COL23A1: variants seen among roughly 807,000 people sequenced by gnomAD.
The protein encoded by COL23A1 is collagen alpha-1(XXIII) chain.
In COL23A1, 97 loss-of-function variants were observed where a neutral mutation model predicts 99.3. The ratio of observed to expected loss-of-function variants is 0.98; its 90% CI spans 0.83 to 1.16. The LOEUF (loss-of-function observed/expected upper bound fraction) is 1.16, where lower values mean the gene tolerates loss of function less well. Among genes scored for constraint, COL23A1 ranks in the 50% most tolerant of loss-of-function variants. COL23A1 has a pLI of 0.00. For missense variants in COL23A1, 762 were observed against 757.4 expected, an observed-to-expected ratio of 1.01 and a Z score of -0.07; for synonymous variants, 320 against 308.2, an observed-to-expected ratio of 1.04 and a Z score of -0.40.
intron 2 of COL23A1, among the ~76,000 whole-genome samples, chr5:178,377,380 G>A (rs867566026): frequency 3.9e-5 from 6 of 152,194 alleles, no homozygotes; most frequent in African/African-American, 9.7e-5. Flanking sequence ...GTGAAATTCT[G>A]GCCCTCATCT....
chr5:178,252,685 C>T lies in COL23A1; in HGVS notation c.961-88G>A. The T allele has an allele frequency of 3.5e-6, 4 of 1,132,952 alleles. No homozygotes were observed. The South Asian group carries it at 5.7e-5, about 16-fold the overall frequency. The allele number at this position is 1,132,952 out of a possible 1,614,324, so 70.2% of individuals were successfully genotyped here. A position where few individuals can be genotyped will look rare whatever the true frequency, so the allele number is the denominator to read the frequency against. On this transcript the variant is annotated intron_variant, in intron 16 of 28. Coordinates refer to ENST00000390654, the MANE Select transcript of COL23A1 (RefSeq NM_173465.4). ...TCCAGCTCCCCACCTGGAATCAAGT[C>T]CCCGTCCAGCTGAGCAGAGCAGGGG...
At chr5:178,546,354 C>T (rs1048682729) in intron 2 of COL23A1, among the ~76,000 whole-genome samples, 2 of 152,304 alleles carry the variant, frequency 1.3e-5, no homozygotes, top group African/African-American at 2.4e-5. Flanking sequence ...TTCCACTGTT[C>T]GCCACTTTTG....
chr5:178,327,270 C>T (rs1015125434), intron 2 of COL23A1, among the ~76,000 whole-genome samples: 1 of 152,204 alleles, frequency 6.6e-6, no homozygotes, highest in Non-Finnish European at 1.5e-5. Context: ...AGATAAGATG[C>T]AAACAGCCAA....
rs560560910 is a variant in COL23A1 at position 178,356,194 on chromosome 5, G to A, written c.362-49275C>T. Among the ~76,000 whole-genome samples the A allele has an allele frequency of 6.6e-5, 10 of 152,264 alleles. No individual in the cohort carries two copies. In the South Asian group the frequency reaches 1.7e-3, roughly 25 times the overall value. ...AGAGACGGGAAGCAGAGGAGTGGCC[G>A]CCTGGGGTTGCGGAGGGGAGGAGGA... On this transcript the variant is annotated intron_variant, in intron 2 of 28. Transcript: ENST00000390654.
chr5:178,313,164 G>A lies in COL23A1; in HGVS notation c.362-6245C>T, dbSNP rs180968756. On this transcript the variant is annotated intron_variant, in intron 2 of 28. Coordinates refer to ENST00000390654, the MANE Select transcript of COL23A1 (RefSeq NM_173465.4). This position sits in a 1 kb window ranked among gnomAD's most constrained non-coding sequence, Gnocchi z 4.2. ...GCCAGATTCACAGGGGCAGAAGGTG[G>A]AATAGGGGGTGCCATCGGTGGGCTG... Among the ~76,000 whole-genome samples, 524 of 152,330 alleles carry A rather than the reference G, an allele frequency of 3.4e-3. 3 individuals are homozygous for A. The highest frequency in any genetic ancestry group is 0.012 in the African/African-American group (499 of 41,574).
At chr5:178,299,898 C>T (rs1207732507) in intron 3 of COL23A1, among the ~76,000 whole-genome samples, 5 of 151,612 alleles carry the variant, frequency 3.3e-5, no homozygotes, top group African/African-American at 7.3e-5. Context: ...GGATTACAGG[C>T]GCCCACCACC....
In COL23A1 at chr5:178,243,056, G is replaced by A. The variant is rs535074212; in HGVS notation, c.1441-662C>T. On this transcript the variant is annotated intron_variant, in intron 25 of 28. Transcript: ENST00000390654. Reference sequence around the variant, plus strand: ...AACACAAAAATTAGCCGAGTATGGTGATGCGCGCCTGTAATCCCAGCTACT... The same window carrying A: ...AACACAAAAATTAGCCGAGTATGGTAATGCGCGCCTGTAATCCCAGCTACT... Among the ~76,000 whole-genome samples the A allele has an allele frequency of 5.3e-5, 8 of 152,278 alleles. No homozygotes were observed. The South Asian group carries it at 1.0e-3, about 20-fold the overall frequency.
chr5:178,383,664 C>T (rs1014606913), intron 2 of COL23A1, among the ~76,000 whole-genome samples: 5 of 152,190 alleles, frequency 3.3e-5, no homozygotes, highest in South Asian at 2.1e-4. Flanking sequence ...CCTGGGCCCT[C>T]GGCCTGGAGC....
Position 178,425,254 on chromosome 5 carries a change from C to A in COL23A1, c.362-118335G>T, listed in dbSNP as rs537864416. 5.3e-5 allele frequency among the ~76,000 whole-genome samples: 8 copies of A among 152,082 alleles called. No individual in the cohort carries two copies. In the East Asian group the frequency reaches 1.5e-3, roughly 29 times the overall value. ...CCTGACCAACATGGGGAAACCCGGT[C>A]TCTACTAAAAATACAAAATTAGCCG... On this transcript the variant is annotated intron_variant, in intron 2 of 28. Coordinates refer to ENST00000390654, the MANE Select transcript of COL23A1 (RefSeq NM_173465.4).
At chr5:178,374,887 T>G (rs1448483877) in intron 2 of COL23A1, among the ~76,000 whole-genome samples, 1 of 152,164 alleles carries the variant, frequency 6.6e-6, no homozygotes, top group Non-Finnish European at 1.5e-5. Flanking sequence ...AGGAGTCAAA[T>G]TATTGAATAA....
At chr5:178,324,855 C>A (rs528928242) in intron 2 of COL23A1, among the ~76,000 whole-genome samples, 1 of 152,186 alleles carries the variant, frequency 6.6e-6, no homozygotes, top group Non-Finnish European at 1.5e-5. Flanking sequence ...CCTGGGAGCT[C>A]GGCGGGGGTT....
At position 178,340,679 on chromosome 5, in the gene COL23A1, C is replaced by T. The variant is rs979643258; in HGVS notation, c.362-33760G>A. On this transcript the variant is annotated intron_variant, in intron 2 of 28. Transcript: ENST00000390654. The surrounding 1 kb of genome is among the most constrained non-coding windows in gnomAD (Gnocchi z 4.7). The stretch of plus-strand genomic sequence containing the variant: ...GGCTCTGCATGTGTTTGGCTGATGG[C>T]AAACTGGACACCGGGGATTCTAGTC... Among the ~76,000 whole-genome samples the T allele has an allele frequency of 3.3e-5, 5 of 152,328 alleles. No homozygotes were observed. Among genetic ancestry groups the T allele is most frequent in the Middle Eastern group, 3.4e-3 (1 of 294 alleles).
intron 19 of COL23A1, 120 bp from the exon 20 acceptor site, chr5:178,248,374 G>T: frequency 1.4e-6 from 1 of 716,074 alleles, no homozygotes; most frequent in Non-Finnish European, 2.3e-6. Context: ...TCAGTTAGCT[G>T]TTGCAACTGA....
intron 2 of COL23A1, among the ~76,000 whole-genome samples, chr5:178,358,290 GTATA>G (rs760742705): frequency 1.0e-4 from 15 of 144,010 alleles, no homozygotes; most frequent in South Asian, 4.5e-4. Context: ...ATGCGTGTGC[GTATA>G]TGTATGTATG....
In COL23A1 at chr5:178,365,136, CGTGTGTGTGTGTGTGTGT is replaced by C. The variant is rs55995523; in HGVS notation, c.362-58235_362-58218del. On this transcript the variant is annotated intron_variant, in intron 2 of 28. Coordinates refer to ENST00000390654, the MANE Select transcript of COL23A1 (RefSeq NM_173465.4). The surrounding 1 kb of genome is among the most constrained non-coding windows in gnomAD (Gnocchi z 5.2). ...GGGCTTTATGATGTTGCTGTGTGTG[CGTGTGTGTGTGTGTGTGT>C]GTGTGTGTGTGTGTGTGATAAATAA... 4.1e-5 allele frequency among the ~76,000 whole-genome samples: 6 copies of C among 147,910 alleles called. No individual in the cohort carries two copies. In the East Asian group the frequency reaches 6.2e-4, roughly 15 times the overall value.
At chr5:178,493,234 C>A (rs915318699) in intron 2 of COL23A1, among the ~76,000 whole-genome samples, 2 of 152,342 alleles carry the variant, frequency 1.3e-5, no homozygotes, top group East Asian at 3.9e-4. Flanking sequence ...ATCTCTTCCC[C>A]AGGCCATACA....
At chr5:178,581,883 G>T (rs1324880408) in intron 1 of COL23A1, among the ~76,000 whole-genome samples, 2 of 152,160 alleles carry the variant, frequency 1.3e-5, no homozygotes, top group African/African-American at 2.4e-5. Context: ...AAAATGGTAT[G>T]CATTCTGTGG....
intron 2 of COL23A1, among the ~76,000 whole-genome samples, chr5:178,441,245 C>T (rs1476676127): frequency 2.6e-5 from 4 of 152,238 alleles, no homozygotes; most frequent in African/African-American, 9.6e-5. Flanking sequence ...TGACAGACCA[C>T]ACCCTACAGT....
intron 2 of COL23A1, among the ~76,000 whole-genome samples, chr5:178,517,017 AGG>A (rs1759556385): frequency 1.3e-5 from 2 of 152,212 alleles, no homozygotes; most frequent in Admixed American, 6.5e-5. Flanking sequence ...ACACTGGGCC[AGG>A]ACTCAGTGGG....
Sources: gnomAD v4.1 joint callset for allele counts (sites outside exome capture counted in the v4.1 genomes callset) on GRCh38, gnomAD v4.1.1 for gene constraint, Gnocchi (gnomAD v3.1) non-coding constraint, MANE v1.5 for transcripts, NCBI Gene and HGNC (gene_info 2026-07-23, HGNC 2026-07-21) for gene names.